The following TANC1 variants were observed in gnomAD, a reference collection of about 807,000 sequenced individuals.
The protein encoded by TANC1 is protein TANC1.
TANC1 carries 77 observed loss-of-function variants against 149.7 expected under a neutral mutation model. The observed-to-expected ratio is 0.51, with a 90% confidence interval of 0.43 to 0.62. The LOEUF (loss-of-function observed/expected upper bound fraction) is 0.62, where lower values mean the gene tolerates loss of function less well. TANC1 is among the 20% of genes least tolerant of loss of function. The probability of loss-of-function intolerance (pLI) is 0.00; values close to 1 mark genes in which losing one functional copy is unlikely to be tolerated. For synonymous variants in TANC1, 854 were observed against 925.0 expected (o/e 0.92, Z 1.39); for missense variants, 1,985 against 2,321.8 (o/e 0.85, Z 2.98).
At chr2:159,029,542 T>G (rs2039617709) in intron 2 of TANC1, among the ~76,000 whole-genome samples, 1 of 152,226 alleles carries the variant, frequency 6.6e-6, no homozygotes, top group African/African-American at 2.4e-5. Flanking sequence ...TCATAAGTAC[T>G]TAGTATTTCT....
intron 2 of TANC1, among the ~76,000 whole-genome samples, chr2:159,035,471 A>G (rs980131907): frequency 3.9e-5 from 6 of 152,248 alleles, no homozygotes; most frequent in Non-Finnish European, 8.8e-5. Flanking sequence ...GTAAAAGTTC[A>G]TAATTTTTTT....
chr2:159,137,470 C>T (rs1456530778), intron 5 of TANC1, among the ~76,000 whole-genome samples: 1 of 152,110 alleles, frequency 6.6e-6, no homozygotes, highest in Admixed American at 6.6e-5. Context: ...CCACCCTTTT[C>T]CTTTCTGTCC....
Position 159,116,355 on chromosome 2 carries a change from A to G in TANC1, c.259+18521A>G, listed in dbSNP as rs185940479. On this transcript the variant is annotated intron_variant, in intron 4 of 26. Coordinates refer to ENST00000263635, the MANE Select transcript of TANC1 (RefSeq NM_033394.3). ...AGCAGGAGAATCGCTTGAACCCAGG[A>G]GGCAGATGTTGCAGTTAGCCGAGAT... Among the ~76,000 whole-genome samples, 24 of 152,062 alleles carry G rather than the reference A, an allele frequency of 1.6e-4. No homozygotes were observed. The East Asian group carries it at 4.3e-3, about 27-fold the overall frequency.
At chr2:159,176,590 A>G in intron 13 of TANC1, 72 bp downstream of exon 13, 1 of 1,150,424 alleles carries the variant, frequency 8.7e-7, no homozygotes, top group Non-Finnish European at 1.2e-6. Context: ...TAATAACGTA[A>G]AACTGTTGTA....
rs572236193 is a variant in TANC1 at position 159,008,636 on chromosome 2, G to C, written c.-16+7447G>C. ...TTTTTCTTGATATGCTAGACTCATAGTTGTCTGAATGTATGTGGTATGATT... is the reference window on the plus strand; with the variant it reads ...TTTTTCTTGATATGCTAGACTCATACTTGTCTGAATGTATGTGGTATGATT... On this transcript the variant is annotated intron_variant, in intron 2 of 26. Coordinates refer to ENST00000263635, the MANE Select transcript of TANC1 (RefSeq NM_033394.3). 1.1e-3 allele frequency among the ~76,000 whole-genome samples: 163 copies of C among 152,246 alleles called. 2 individuals carry two copies. Among genetic ancestry groups the C allele is most frequent in the Non-Finnish European group, 1.9e-3 (129 of 68,012 alleles).
At chr2:159,203,212 T>TC (rs933830431) in intron 19 of TANC1, among the ~76,000 whole-genome samples, 6 of 149,014 alleles carry the variant, frequency 4.0e-5, no homozygotes, top group South Asian at 2.2e-4. Flanking sequence ...TTCTTTTCTT[T>TC]TTTTTTTTTT....
At chr2:159,040,694 A>G (rs1331487752) in intron 2 of TANC1, among the ~76,000 whole-genome samples, 1 of 152,104 alleles carries the variant, frequency 6.6e-6, no homozygotes, top group Non-Finnish European at 1.5e-5. Flanking sequence ...CTTCCTTGCA[A>G]TGGGTTTGAA....
chr2:159,009,637 T>C (rs895482432), intron 2 of TANC1, among the ~76,000 whole-genome samples: 2 of 152,170 alleles, frequency 1.3e-5, no homozygotes, highest in African/African-American at 4.8e-5. Context: ...GGTTAACAGA[T>C]ACAAAATCAC....
rs1408950005 is a variant in TANC1 at position 159,136,279 on chromosome 2, A to G, written c.345A>G (p.Pro115=). The G allele has an allele frequency of 6.2e-7, 1 of 1,604,464 alleles. No homozygotes were observed. The highest frequency in any genetic ancestry group is 1.7e-4 in the Middle Eastern group (1 of 6,042). Reference sequence around the variant, plus strand: ...TGCCATTCAGAGAAGTAGCCAAGCCAACAGAGCCTGATGAGCATGGTAAGA... The same window carrying G: ...TGCCATTCAGAGAAGTAGCCAAGCCGACAGAGCCTGATGAGCATGGTAAGA... ...VIMPFREVAK[P]TEPDEHEAKA... is the part of the protein sequence containing the mutation. The change falls in exon 5 of 27, where the codon CCA becomes CCG. Residue 115 remains proline (P), a synonymous_variant. Coordinates refer to ENST00000263635, the MANE Select transcript of TANC1 (RefSeq NM_033394.3).
intron 4 of TANC1, among the ~76,000 whole-genome samples, chr2:159,135,174 G>T (rs1185381227): frequency 6.6e-6 from 1 of 152,164 alleles, no homozygotes; most frequent in African/African-American, 2.4e-5. Context: ...GCTATTCTGG[G>T]CATGACATAT....
At chr2:159,184,793 C>T (rs2056821232) in intron 14 of TANC1, among the ~76,000 whole-genome samples, 1 of 152,190 alleles carries the variant, frequency 6.6e-6, no homozygotes, top group South Asian at 2.1e-4. Flanking sequence ...CAGGCCATTA[C>T]AAGACAATGG....
intron 2 of TANC1, among the ~76,000 whole-genome samples, chr2:159,031,863 T>C (rs1239677463): frequency 6.6e-6 from 1 of 152,218 alleles, no homozygotes; most frequent in Admixed American, 6.5e-5. Flanking sequence ...GCTCTGTATG[T>C]CATACAGATT....
intron 24 of TANC1, chr2:159,227,112 A>G (rs963601234): frequency 6.6e-6 from 1 of 152,216 alleles, no homozygotes; most frequent in African/African-American, 2.4e-5. Flanking sequence ...TAAATAGGCA[A>G]TATAGCATGA....
intron 2 of TANC1, among the ~76,000 whole-genome samples, chr2:159,027,707 T>C (rs1328516660): frequency 1.3e-5 from 2 of 152,228 alleles, no homozygotes; most frequent in African/African-American, 2.4e-5. Flanking sequence ...CTATCTGTTA[T>C]AGCAATGACC....
intron 1 of TANC1, among the ~76,000 whole-genome samples, chr2:158,973,072 A>C (rs560966384): frequency 1.3e-5 from 2 of 152,232 alleles, no homozygotes; most frequent in South Asian, 4.2e-4. Context: ...GGTGTGATCA[A>C]GGAGAATGTT....
intron 2 of TANC1, among the ~76,000 whole-genome samples, chr2:159,011,553 C>T (rs1308746053): frequency 1.7e-5 from 2 of 115,964 alleles, no homozygotes; most frequent in Non-Finnish European, 1.7e-5. Context: ...TTTTTTTTGC[C>T]AAGACAAGGT....
At chr2:159,178,148 G>T (rs2056079455) in intron 13 of TANC1, among the ~76,000 whole-genome samples, 1 of 152,226 alleles carries the variant, frequency 6.6e-6, no homozygotes, top group Non-Finnish European at 1.5e-5. Context: ...GCGTCTGGCC[G>T]TGTTCTTAGA....
chr2:158,969,799 G>A (rs2032568682), intron 1 of TANC1, among the ~76,000 whole-genome samples: 1 of 152,244 alleles, frequency 6.6e-6, no homozygotes, highest in African/African-American at 2.4e-5. Flanking sequence ...AAGGGGCGGA[G>A]GACGCCAGGC....
At chr2:159,053,298 A>G (rs1299262833) in intron 2 of TANC1, among the ~76,000 whole-genome samples, 1 of 152,098 alleles carries the variant, frequency 6.6e-6, no homozygotes, top group Non-Finnish European at 1.5e-5. Context: ...AAAGAGAAAA[A>G]AATAAAGCTA....
Sources: gnomAD v4.1 joint callset for allele counts (sites outside exome capture counted in the v4.1 genomes callset) on GRCh38, gnomAD v4.1.1 for gene constraint, MANE v1.5 for transcripts, NCBI Gene and HGNC (gene_info 2026-07-23, HGNC 2026-07-21) for gene names.